The following CMIP variants were observed in gnomAD, a reference collection of about 807,000 sequenced individuals.
CMIP encodes the protein c-Maf inducing protein.
In CMIP, 13 loss-of-function variants were observed where a neutral mutation model predicts 97.3. That is an observed-to-expected ratio of 0.13 (90% CI 0.09 to 0.21). The LOEUF is 0.21. CMIP is among the 10% of genes least tolerant of loss of function. CMIP has a pLI of 1.00. For missense variants in CMIP, 847 were observed against 1,024.9 expected (o/e 0.83, Z 2.37); for synonymous variants, 538 against 436.3 (o/e 1.23, Z -2.91).
intron 1 of CMIP, among the ~76,000 whole-genome samples, chr16:81,539,920 G>T (rs2090417172): frequency 1.3e-5 from 2 of 152,156 alleles, no homozygotes; most frequent in South Asian, 4.1e-4. Context: ...CTCTCTACGT[G>T]CTCCGTGTGT....
At chr16:81,577,357 C>T (rs1343960995) in intron 1 of CMIP, among the ~76,000 whole-genome samples, 2 of 144,906 alleles carry the variant, frequency 1.4e-5, no homozygotes, top group Admixed American at 6.9e-5. Flanking sequence ...ATCACCATCA[C>T]CACCATCATA....
chr16:81,570,202 G>A (rs2091061285), intron 1 of CMIP, among the ~76,000 whole-genome samples: 1 of 152,186 alleles, frequency 6.6e-6, no homozygotes, highest in Non-Finnish European at 1.5e-5. Flanking sequence ...TTCCACTTGT[G>A]TGGCTGCCTC....
chr16:81,455,077 T>C (rs977904383), intron 1 of CMIP, among the ~76,000 whole-genome samples: 2 of 152,134 alleles, frequency 1.3e-5, no homozygotes, highest in African/African-American at 4.8e-5. Flanking sequence ...GTGGGGTGAT[T>C]AATGCTGGGT....
chr16:81,630,413 C>T (rs2092139879), intron 3 of CMIP: 1 of 152,366 alleles, frequency 6.6e-6, no homozygotes, highest in African/African-American at 2.4e-5. Flanking sequence ...CAGAGCTCTT[C>T]TCAACATAGC....
intron 3 of CMIP, among the ~76,000 whole-genome samples, chr16:81,623,732 A>G (rs1367929326): frequency 6.6e-6 from 1 of 152,238 alleles, no homozygotes; most frequent in East Asian, 1.9e-4. Context: ...TAGCTGGGAA[A>G]CGTGAATTTG....
chr16:81,610,304 G>A (rs753166157), intron 2 of CMIP: 277 of 985,478 alleles, frequency 2.8e-4, no homozygotes, highest in Non-Finnish European at 3.2e-4. Context: ...CAGAGCTGCC[G>A]CCGTGGTGCT....
At chr16:81,478,610 C>G (rs1372142733) in intron 1 of CMIP, among the ~76,000 whole-genome samples, 1 of 152,194 alleles carries the variant, frequency 6.6e-6, no homozygotes, top group Non-Finnish European at 1.5e-5. Context: ...CCCCTCCACC[C>G]TCCAGCCCTT....
At chr16:81,529,278 A>T (rs1009870332) in intron 1 of CMIP, among the ~76,000 whole-genome samples, 1 of 151,926 alleles carries the variant, frequency 6.6e-6, no homozygotes, top group African/African-American at 2.4e-5. Context: ...GAGGGTAAAG[A>T]GAGAGATTGG....
intron 1 of CMIP, among the ~76,000 whole-genome samples, chr16:81,604,505 C>T (rs1200150979): frequency 6.6e-6 from 1 of 151,864 alleles, no homozygotes; most frequent in East Asian, 1.9e-4. Context: ...CAAGACCAGC[C>T]TGGCCAAGAT....
intron 10 of CMIP, 190 bp from the exon 11 acceptor site, chr16:81,691,585 T>C (rs1906082646): frequency 4.8e-6 from 3 of 624,642 alleles, no homozygotes; most frequent in Non-Finnish European, 5.8e-6. Context: ...ACAGGCCCAG[T>C]TGTGAGTCCT....
intron 3 of CMIP, among the ~76,000 whole-genome samples, chr16:81,637,290 C>T (rs1379349308): frequency 6.6e-6 from 1 of 152,136 alleles, no homozygotes; most frequent in Non-Finnish European, 1.5e-5. Context: ...CCAGGCTGGT[C>T]TTGAACTGCT....
At chr16:81,656,770 G>A (rs756210017) in intron 4 of CMIP, among the ~76,000 whole-genome samples, 5 of 152,032 alleles carry the variant, frequency 3.3e-5, no homozygotes, top group Admixed American at 6.5e-5. Flanking sequence ...CCCGAGTAGC[G>A]AGTACCATGC....
At chr16:81,499,321 C>G (rs903918514) in intron 1 of CMIP, among the ~76,000 whole-genome samples, 3 of 152,198 alleles carry the variant, frequency 2.0e-5, no homozygotes, top group Admixed American at 6.5e-5. Flanking sequence ...GGCACACATA[C>G]TTGTCTCTGC....
chr16:81,580,891 C>T (rs2091285454), intron 1 of CMIP, among the ~76,000 whole-genome samples: 1 of 152,190 alleles, frequency 6.6e-6, no homozygotes, highest in Non-Finnish European at 1.5e-5. Flanking sequence ...ACCTCTTCTC[C>T]ACCCCAGCAC....
chr16:81,708,356 C>A (rs1908385310), intron 20 of CMIP, among the ~76,000 whole-genome samples: 2 of 152,226 alleles, frequency 1.3e-5, no homozygotes. Flanking sequence ...GGTAACCCCA[C>A]CCTGGGGGAT....
chr16:81,570,151 G>C (rs1300938581), intron 1 of CMIP, among the ~76,000 whole-genome samples: 1 of 152,174 alleles, frequency 6.6e-6, no homozygotes, highest in Non-Finnish European at 1.5e-5. Context: ...GCTGTGATTT[G>C]AGCCAAGGAC....
chr16:81,592,298 G>A (rs992967723), intron 1 of CMIP, among the ~76,000 whole-genome samples: 2 of 152,190 alleles, frequency 1.3e-5, no homozygotes, highest in African/African-American at 2.4e-5. Flanking sequence ...GCCCCTGCCT[G>A]AGACATCCTT....
At chr16:81,522,925 T>C (rs1231678331) in intron 1 of CMIP, among the ~76,000 whole-genome samples, 2 of 152,108 alleles carry the variant, frequency 1.3e-5, no homozygotes, top group African/African-American at 2.4e-5. Flanking sequence ...TCTTTGTATA[T>C]GGTTTTTTTT....
chr16:81,460,651 GT>G (rs969706660), intron 1 of CMIP, among the ~76,000 whole-genome samples: 1 of 152,190 alleles, frequency 6.6e-6, no homozygotes, highest in African/African-American at 2.4e-5. Flanking sequence ...TCTGCCATCT[GT>G]TTCCTCCCAG....
Sources: gnomAD v4.1 joint callset for allele counts (sites outside exome capture counted in the v4.1 genomes callset) on GRCh38, gnomAD v4.1.1 for gene constraint, MANE v1.5 for transcripts, NCBI Gene and HGNC (gene_info 2026-07-23, HGNC 2026-07-21) for gene names.